ANKRD36: variants seen among roughly 807,000 people sequenced by gnomAD.
ANKRD36 encodes the protein ankyrin repeat domain-containing protein 36A.
ANKRD36 carries 179 observed loss-of-function variants against 278.1 expected under a neutral mutation model. The observed-to-expected ratio is 0.64, with a 90% CI of 0.57 to 0.73. ANKRD36 has a LOEUF of 0.73. Among genes scored for constraint, ANKRD36 ranks in the 30% least tolerant of loss-of-function variants. The pLI, the probability that ANKRD36 is intolerant of heterozygous loss-of-function variation, is 0.00. For synonymous variants in ANKRD36, 320 were observed against 641.1 expected (o/e 0.50, Z 7.57); for missense variants, 1,159 against 1,956.7 (o/e 0.59, Z 7.69).
At chr2:97,191,673 C>T (rs1413057087) in intron 36 of ANKRD36, among the ~76,000 whole-genome samples, 2 of 151,592 alleles carry the variant, frequency 1.3e-5, no homozygotes, top group African/African-American at 4.8e-5. Flanking sequence ...AAGAGGAAGT[C>T]ATTTATATAA....
chr2:97,242,695 T>C (rs934413279), intron 69 of ANKRD36, among the ~76,000 whole-genome samples: 2 of 136,660 alleles, frequency 1.5e-5, no homozygotes, highest in Non-Finnish European at 3.1e-5. Flanking sequence ...GAATGTTTCA[T>C]GAAGATGAAA....
At chr2:97,206,227 T>C in intron 52 of ANKRD36, 92 bp downstream of exon 52, 4 of 1,312,116 alleles carry the variant, frequency 3.0e-6, no homozygotes, top group Non-Finnish European at 4.1e-6. Context: ...TCATCGAAGC[T>C]GCACTTTCTG....
chr2:97,196,451 G>A (rs2059792262), intron 40 of ANKRD36, 142 bp from the exon 41 acceptor site: 7 of 1,473,000 alleles, frequency 4.8e-6, no homozygotes, highest in Non-Finnish European at 6.4e-6. Flanking sequence ...TCATGTTCTA[G>A]TCCCCAGACA....
At chr2:97,226,316 C>T (rs371681418) in intron 67 of ANKRD36, among the ~76,000 whole-genome samples, 1 of 152,038 alleles carries the variant, frequency 6.6e-6, no homozygotes, top group African/African-American at 2.4e-5. Flanking sequence ...TGATTGCCAT[C>T]CTAACTGGTG....
intron 22 of ANKRD36, among the ~76,000 whole-genome samples, chr2:97,175,410 G>A (rs2153528310): frequency 6.6e-6 from 1 of 151,928 alleles, no homozygotes; most frequent in Non-Finnish European, 1.5e-5. Flanking sequence ...TAGTTTATTT[G>A]CGTAGAGGTG....
At chr2:97,178,761 T>G (rs1170153485) in intron 22 of ANKRD36, among the ~76,000 whole-genome samples, 2 of 151,246 alleles carry the variant, frequency 1.3e-5, no homozygotes, top group Non-Finnish European at 3.0e-5. Flanking sequence ...CGCACCAGCA[T>G]GGCACATGTA....
In ANKRD36 at chr2:97,144,681, A is replaced by G; in HGVS notation, c.972A>G (p.Thr324=). The change falls in exon 10 of 76, where the codon ACA becomes ACG. Residue 324 remains threonine, a synonymous_variant. Transcript: ENST00000420699. ...DKDDSVSNTA[T]EIKDEQKSGT... is the part of the protein sequence containing the mutation. ...ATGATTCTGTTTCGAACACAGCCAC[A>G]GAAATAAAAGATGAACAAAAATCTG... is the stretch of plus-strand genomic sequence containing the variant. 6.5e-7 allele frequency: 1 copy of G among 1,544,024 alleles called. No individual in the cohort carries two copies.
intron 67 of ANKRD36, among the ~76,000 whole-genome samples, chr2:97,229,772 G>A (rs11895005): frequency 0.062 from 9,423 of 151,664 alleles, 945 homozygotes; most frequent in African/African-American, 0.22. Flanking sequence ...GCAGTGGCTG[G>A]TACCGGTTGT....
chr2:97,180,655 A>G (rs1325290115), intron 24 of ANKRD36, among the ~76,000 whole-genome samples: 2 of 151,678 alleles, frequency 1.3e-5, no homozygotes, highest in Non-Finnish European at 2.9e-5. Flanking sequence ...AAAATGAGAT[A>G]AACTTGCATA....
At chr2:97,163,750 C>G (rs555419324) in intron 18 of ANKRD36, 1 of 285,796 alleles carries the variant, frequency 3.5e-6, no homozygotes, top group South Asian at 1.3e-4. Context: ...TAATTTTACG[C>G]ATTTTTAGTA....
At chr2:97,176,567 G>C (rs1437248409) in intron 22 of ANKRD36, among the ~76,000 whole-genome samples, 1 of 148,268 alleles carries the variant, frequency 6.7e-6, no homozygotes, top group Non-Finnish European at 1.5e-5. Flanking sequence ...GATGGATCTT[G>C]ACTCTTTATC....
intron 25 of ANKRD36, 30 bp downstream of exon 25, chr2:97,181,656 T>C (rs1171148047): frequency 6.2e-7 from 1 of 1,604,088 alleles, no homozygotes; most frequent in Non-Finnish European, 8.5e-7. Flanking sequence ...TATGTTGAAC[T>C]ATTAACTGTA....
chr2:97,216,160 T>C (rs1184712037), intron 62 of ANKRD36, among the ~76,000 whole-genome samples: 1 of 151,996 alleles, frequency 6.6e-6, no homozygotes, highest in East Asian at 2.0e-4. Flanking sequence ...TTACTCCTCT[T>C]TGTTACTGTT....
In ANKRD36 at chr2:97,202,125, T is replaced by A. The variant is rs2061543677; in HGVS notation, c.2858-77T>A. The A allele has an allele frequency of 1.9e-6, 3 of 1,594,678 alleles. No individual in the cohort carries two copies. The South Asian group carries it at 3.4e-5, about 18-fold the overall frequency. ...ATACAGGCAGGAGGACAGAGGTTGA[T>A]TCTAACAGTGCTCGAATGTATGGAA... On this transcript the variant is annotated intron_variant, in intron 46 of 75. Transcript: ENST00000420699.
Position 97,189,136 on chromosome 2 carries a change from A to C in ANKRD36, c.2172+21A>C, listed in dbSNP as rs1336900598. On this transcript the variant is annotated intron_variant, in intron 33 of 75. Transcript: ENST00000420699. ...TGAAGGTAATTAAACTCTCGTTTAC[A>C]TTGTGAACTAGTAATTCTATAGTCT... The C allele has an allele frequency of 7.9e-6, 6 of 757,626 alleles. 2 individuals carry two copies. Among genetic ancestry groups the C allele is most frequent in the South Asian group, 7.6e-5 (6 of 78,746 alleles). The allele number at this position is 757,626 out of a possible 1,614,324, so 46.9% of individuals were successfully genotyped here.
Position 97,113,180 on chromosome 2 carries a change from A to G in ANKRD36, c.-560A>G, listed in dbSNP as rs190912153. On this transcript the variant is annotated 5_prime_UTR_variant, in exon 1 of 76. Coordinates refer to ENST00000420699, the MANE Select transcript of ANKRD36 (RefSeq NM_001354587.1). ...CGGAGCCCGAGCTGCAGTGCCGCCTACAAGTGGTGCGCTGGCTGCAGCTGT... is the reference window on the plus strand; with the variant it reads ...CGGAGCCCGAGCTGCAGTGCCGCCTGCAAGTGGTGCGCTGGCTGCAGCTGT... Among the ~76,000 whole-genome samples the G allele has an allele frequency of 3.9e-4, 59 of 151,824 alleles. 1 individual carries two copies. The highest frequency in any genetic ancestry group is 1.3e-3 in the South Asian group (6 of 4,798).
intron 50 of ANKRD36, 145 bp from the exon 51 acceptor site, chr2:97,205,795 C>G: frequency 8.3e-7 from 1 of 1,205,414 alleles, no homozygotes; most frequent in Non-Finnish European, 1.2e-6. Context: ...GTGTCATTTT[C>G]TAGTCCCCAG....
chr2:97,188,388 G>A (rs1253512737), intron 32 of ANKRD36, among the ~76,000 whole-genome samples: 2 of 151,544 alleles, frequency 1.3e-5, no homozygotes, highest in African/African-American at 2.4e-5. Context: ...ATTGATAATT[G>A]ATGATATTTT....
At chr2:97,133,849 T>C (rs1329214909) in intron 6 of ANKRD36, among the ~76,000 whole-genome samples, 1 of 151,402 alleles carries the variant, frequency 6.6e-6, no homozygotes, top group African/African-American at 2.4e-5. Context: ...CTCACGTGCA[T>C]AGCTCCCCCC....
Sources: gnomAD v4.1 joint callset for allele counts (sites outside exome capture counted in the v4.1 genomes callset) on GRCh38, gnomAD v4.1.1 for gene constraint, MANE v1.5 for transcripts, NCBI Gene and HGNC (gene_info 2026-07-23, HGNC 2026-07-21) for gene names.